The following FOXO1 variants were observed in gnomAD, a reference collection of about 807,000 sequenced individuals.
The protein encoded by FOXO1 is forkhead box protein O1.
In FOXO1, 6 loss-of-function variants were observed where a neutral mutation model predicts 44.1. That is an observed-to-expected ratio of 0.14 (90% CI 0.07 to 0.27). The LOEUF is 0.27. Among genes scored for constraint, FOXO1 ranks in the 10% least tolerant of loss-of-function variants. FOXO1 has a pLI of 1.00. For synonymous variants in FOXO1, 380 were observed against 362.7 expected (o/e 1.05, Z -0.54); for missense variants, 737 against 888.8 (o/e 0.83, Z 2.17).
chr13:40,633,544 C>T (rs762339184), intron 1 of FOXO1, among the ~76,000 whole-genome samples: 96 of 152,174 alleles, frequency 6.3e-4, no homozygotes, highest in Non-Finnish European at 9.3e-4. Context: ...TAAAATGATA[C>T]CATTTATACA....
chr13:40,585,549 T>C (rs1875133371), intron 1 of FOXO1, among the ~76,000 whole-genome samples: 1 of 152,210 alleles, frequency 6.6e-6, no homozygotes, highest in Non-Finnish European at 1.5e-5. Context: ...CAAACATTGA[T>C]AACACCTAAA....
chr13:40,627,705 C>T (rs765616528), intron 1 of FOXO1, among the ~76,000 whole-genome samples: 2 of 151,798 alleles, frequency 1.3e-5, no homozygotes, highest in African/African-American at 2.4e-5. Flanking sequence ...TGGTGGCAGG[C>T]GTCTGTAATC....
rs760394095 is a variant in FOXO1, at chr13:40,560,434, C to A, written c.1057G>T (p.Ala353Ser). The stretch of plus-strand genomic sequence containing the variant: ...CTGGGTAAAGTAGAGGCCATCTTTG[C>A]GGCAGATGGCGGGTACACCATAGAA... ...VHSMVYPPSA[A>S]KMASTLPSLS... Residue 353 changes from alanine to serine, a missense_variant, in exon 2 of 3, where the codon GCA (alanine) becomes TCA (serine). By Grantham distance (99) the Ala-to-Ser change is moderately conservative. Transcript: ENST00000379561. This position sits in a 1 kb window ranked among gnomAD's most constrained non-coding sequence, Gnocchi z 5.1. The A allele has an allele frequency of 9.3e-6, 15 of 1,613,948 alleles. No individual in the cohort carries two copies. Among genetic ancestry groups the A allele is most frequent in the Middle Eastern group, 1.6e-4 (1 of 6,084 alleles).
intron 1 of FOXO1, among the ~76,000 whole-genome samples, chr13:40,638,372 C>T (rs1223010347): frequency 6.6e-6 from 1 of 152,006 alleles, no homozygotes; most frequent in Non-Finnish European, 1.5e-5. Context: ...TGAAAGAATA[C>T]ATTTTTGCTT....
chr13:40,580,254 AAC>A (rs1389661335), intron 1 of FOXO1, among the ~76,000 whole-genome samples: 2 of 152,192 alleles, frequency 1.3e-5, no homozygotes, highest in African/African-American at 2.4e-5. Context: ...ATGTTTATAC[AAC>A]ACACACACAC....
chr13:40,603,552 C>A (rs1181439109), intron 1 of FOXO1, among the ~76,000 whole-genome samples: 1 of 151,926 alleles, frequency 6.6e-6, no homozygotes, highest in African/African-American at 2.4e-5. Context: ...ACCTTTGAAC[C>A]AAGATACTCT....
intron 1 of FOXO1, among the ~76,000 whole-genome samples, chr13:40,611,962 C>T (rs1012630019): frequency 9.9e-5 from 15 of 152,092 alleles, no homozygotes; most frequent in African/African-American, 3.6e-4. Context: ...TAGTCTCAGC[C>T]ACTGAGGAGG....
chr13:40,607,209 C>T (rs1876030760), intron 1 of FOXO1, among the ~76,000 whole-genome samples: 1 of 152,186 alleles, frequency 6.6e-6, no homozygotes, highest in African/African-American at 2.4e-5. Flanking sequence ...TCTGTTTACA[C>T]ATCTGTCTTC....
At chr13:40,620,590 T>C (rs1341678658) in intron 1 of FOXO1, 2 of 433,492 alleles carry the variant, frequency 4.6e-6, no homozygotes, top group Admixed American at 6.2e-5. Context: ...TTACCAGAGA[T>C]GCATTGAGAA....
chr13:40,563,672 C>T (rs1393792823), intron 1 of FOXO1, among the ~76,000 whole-genome samples: 2 of 152,054 alleles, frequency 1.3e-5, no homozygotes, highest in Admixed American at 1.3e-4. Context: ...AGAGTAGGTA[C>T]AAGAATCCCT....
At chr13:40,584,215 T>C (rs977509697) in intron 1 of FOXO1, among the ~76,000 whole-genome samples, 2 of 151,944 alleles carry the variant, frequency 1.3e-5, no homozygotes, top group African/African-American at 2.4e-5. Context: ...TCTCTAAAAC[T>C]CATCCCTTGA....
intron 1 of FOXO1, among the ~76,000 whole-genome samples, chr13:40,564,638 C>T (rs1228544303): frequency 1.3e-5 from 2 of 152,186 alleles, no homozygotes; most frequent in African/African-American, 4.8e-5. Context: ...GCAGCAGAGC[C>T]GCGTGAGACT....
chr13:40,565,031 T>C (rs1484130253), intron 1 of FOXO1, among the ~76,000 whole-genome samples: 1 of 140,728 alleles, frequency 7.1e-6, no homozygotes, highest in East Asian at 2.7e-4. Context: ...CTGTTCTATG[T>C]TCAGATTCTG....
At position 40,665,778 on chromosome 13, in the gene FOXO1, G is replaced by C. The variant is rs1593422056; in HGVS notation, c.435C>G (p.Leu145=). The C allele has an allele frequency of 7.5e-7, 1 of 1,333,888 alleles. No homozygotes were observed. The highest frequency in any genetic ancestry group is 9.7e-7 in the Non-Finnish European group (1 of 1,027,164). The allele number at this position is 1,333,888 out of a possible 1,614,324, so 82.6% of individuals were successfully genotyped here. A position where few individuals can be genotyped will look rare whatever the true frequency, so the allele number is the denominator to read the frequency against. ...PPVPPAAAGP[L]AGQPRKSSSS... is the part of the protein sequence containing the mutation. The stretch of plus-strand genomic sequence containing the variant: ...AGCTGCTCTTGCGCGGCTGCCCCGC[G>C]AGCGGCCCAGCGGCGGCGGGGGGCA... Residue 145 remains leucine (L), a synonymous_variant, in exon 1 of 3, where the codon CTC becomes CTG. Coordinates refer to ENST00000379561, the MANE Select transcript of FOXO1 (RefSeq NM_002015.4).
At chr13:40,590,179 T>C (rs1400173482) in intron 1 of FOXO1, among the ~76,000 whole-genome samples, 1 of 152,156 alleles carries the variant, frequency 6.6e-6, no homozygotes, top group African/African-American at 2.4e-5. Context: ...ATGACTATTC[T>C]GGCATAGTGA....
At chr13:40,633,625 G>A (rs556897228) in intron 1 of FOXO1, among the ~76,000 whole-genome samples, 121 of 152,236 alleles carry the variant, frequency 7.9e-4, no homozygotes, top group African/African-American at 2.7e-3. Flanking sequence ...GGAAGAATGG[G>A]GAGTGACTGG....
intron 1 of FOXO1, among the ~76,000 whole-genome samples, chr13:40,624,210 C>T (rs9635105): frequency 4.7e-5 from 7 of 150,434 alleles, no homozygotes; most frequent in African/African-American, 1.7e-4. Flanking sequence ...AATCCCAATT[C>T]TAAGATTTCA....
chr13:40,559,458 G>A (rs781392626), intron 2 of FOXO1, 51 bp downstream of exon 2: 13 of 1,490,762 alleles, frequency 8.7e-6, no homozygotes, highest in East Asian at 4.6e-5. Flanking sequence ...TGTGTTCCTC[G>A]CTTTTAAGTT....
At chr13:40,599,217 G>GAA (rs5803058) in intron 1 of FOXO1, among the ~76,000 whole-genome samples, 33 of 137,316 alleles carry the variant, frequency 2.4e-4, no homozygotes, top group East Asian at 4.2e-4. Context: ...AAAACACGCT[G>GAA]AAAAAAAAAA....
Sources: gnomAD v4.1 joint callset for allele counts (sites outside exome capture counted in the v4.1 genomes callset) on GRCh38, gnomAD v4.1.1 for gene constraint, Gnocchi (gnomAD v3.1) non-coding constraint, MANE v1.5 for transcripts, NCBI Gene and HGNC (gene_info 2026-07-23, HGNC 2026-07-21) for gene names.